Variants in GALNT14 observed in about 807,000 individuals in gnomAD.
GALNT14 encodes the protein UDP-GalNAc:polypeptide N-acetylgalactosaminyltransferase 14.
In GALNT14, 60 loss-of-function variants were observed where a neutral mutation model predicts 77.5. The ratio of observed to expected loss-of-function variants is 0.77; its 90% CI spans 0.63 to 0.96. The LOEUF (loss-of-function observed/expected upper bound fraction) is 0.96, where lower values mean the gene tolerates loss of function less well. Among genes scored for constraint, GALNT14 ranks in the 40% least tolerant of loss-of-function variants. The pLI is 0.00. For missense variants in GALNT14, 710 were observed against 731.0 expected (o/e 0.97, Z 0.33); for synonymous variants, 280 against 281.7 (o/e 0.99, Z 0.06).
In GALNT14 at chr2:30,915,824, T is replaced by A. The variant is rs558405383; in HGVS notation, c.1381-3482A>T. Among the ~76,000 whole-genome samples the A allele has an allele frequency of 3.3e-5, 5 of 152,274 alleles. No individual in the cohort carries two copies. In the South Asian group the frequency reaches 1.0e-3, roughly 32 times the overall value. ...TTTCAGCCCTGACTGAGTGGGTAAG[T>A]TAAATGTTAAAGGCTGAAAGGGCCA... On this transcript the variant is annotated intron_variant, in intron 13 of 14. Transcript: ENST00000349752.
At chr2:30,983,565 C>T (rs1340183109) in intron 2 of GALNT14, among the ~76,000 whole-genome samples, 1 of 152,172 alleles carries the variant, frequency 6.6e-6, no homozygotes, top group African/African-American at 2.4e-5. Context: ...TGGTACCTTT[C>T]GAAGCCACAC....
At chr2:30,963,621 C>T (rs1667823662) in intron 3 of GALNT14, among the ~76,000 whole-genome samples, 1 of 152,164 alleles carries the variant, frequency 6.6e-6, no homozygotes, top group East Asian at 1.9e-4. Flanking sequence ...AGACATTCCC[C>T]AGAGGAACGT....
intron 1 of GALNT14, among the ~76,000 whole-genome samples, chr2:31,052,958 G>C (rs1289911041): frequency 1.3e-5 from 2 of 152,174 alleles, no homozygotes; most frequent in Admixed American, 6.5e-5. Context: ...TACAGCATCA[G>C]TCCTTGCTTG....
intron 1 of GALNT14, among the ~76,000 whole-genome samples, chr2:31,028,657 G>A (rs2148475266): frequency 6.6e-6 from 1 of 152,350 alleles, no homozygotes; most frequent in Middle Eastern, 3.4e-3. Context: ...AACACCAGGG[G>A]CTATTTATGA....
intron 11 of GALNT14, among the ~76,000 whole-genome samples, chr2:30,927,089 A>G (rs1665432779): frequency 6.6e-6 from 1 of 152,148 alleles, no homozygotes; most frequent in Admixed American, 6.5e-5. Flanking sequence ...GGGATCAGGG[A>G]GAGAATGGAG....
At chr2:31,069,156 T>C (rs1224686531) in intron 1 of GALNT14, among the ~76,000 whole-genome samples, 4 of 152,200 alleles carry the variant, frequency 2.6e-5, no homozygotes, top group Non-Finnish European at 5.9e-5. Flanking sequence ...GGTATGTAGA[T>C]TATATCTCAA....
intron 1 of GALNT14, among the ~76,000 whole-genome samples, chr2:31,020,314 G>C (rs1308483076): frequency 6.6e-6 from 1 of 152,212 alleles, no homozygotes; most frequent in African/African-American, 2.4e-5. Context: ...GATTTTGCTA[G>C]AACTTTTCCA....
chr2:30,955,865 C>T (rs777999934), intron 5 of GALNT14, 47 bp downstream of exon 5: 2 of 1,611,822 alleles, frequency 1.2e-6, no homozygotes, highest in African/African-American at 1.3e-5. Context: ...CACCTTCGAC[C>T]CCCCGACACT....
At chr2:30,963,917 G>T (rs1301481751) in intron 3 of GALNT14, among the ~76,000 whole-genome samples, 1 of 152,188 alleles carries the variant, frequency 6.6e-6, no homozygotes, top group Non-Finnish European at 1.5e-5. Flanking sequence ...TCATTTCCTT[G>T]GTTAGGATAC....
intron 1 of GALNT14, among the ~76,000 whole-genome samples, chr2:31,040,881 A>T (rs1396207670): frequency 6.6e-6 from 1 of 152,232 alleles, no homozygotes; most frequent in Non-Finnish European, 1.5e-5. Flanking sequence ...TAAATAAATG[A>T]ATGAAAGAAT....
At chr2:30,989,654 TAA>T (rs1401414207) in intron 2 of GALNT14, among the ~76,000 whole-genome samples, 7 of 116,108 alleles carry the variant, frequency 6.0e-5, no homozygotes, top group African/African-American at 1.9e-4. Context: ...TAGTATATAT[TAA>T]AATATATATA....
In GALNT14 at chr2:31,090,144, C is replaced by G. The variant is rs1573333161; in HGVS notation, c.129+47814G>C. Among the ~76,000 whole-genome samples the G allele has an allele frequency of 2.6e-5, 4 of 152,306 alleles. No individual in the cohort carries two copies. In the East Asian group the frequency reaches 7.7e-4, roughly 29 times the overall value. On this transcript the variant is annotated intron_variant, in intron 1 of 14. Transcript: ENST00000349752. ...CAGACACCAAAAGTATCAGGCCAAC[C>G]CACCCCTCCTCCACTGATGGAGCAA...
intron 13 of GALNT14, among the ~76,000 whole-genome samples, chr2:30,913,708 T>A (rs574533211): frequency 1.3e-5 from 2 of 152,272 alleles, no homozygotes; most frequent in Non-Finnish European, 2.9e-5. Context: ...GGCTCCTGCA[T>A]TAGGATTCTT....
chr2:30,955,785 T>C (rs755439143), intron 5 of GALNT14, 46 bp from the exon 6 acceptor site: 5 of 1,611,704 alleles, frequency 3.1e-6, no homozygotes, highest in Non-Finnish European at 4.2e-6. Context: ...TGTCACTCCA[T>C]TGTCCAGCGA....
At chr2:31,117,462 T>C (rs903507035) in intron 1 of GALNT14, among the ~76,000 whole-genome samples, 1 of 152,156 alleles carries the variant, frequency 6.6e-6, no homozygotes, top group Admixed American at 6.5e-5. Context: ...AAGTTAAAAT[T>C]AATGACTACA....
chr2:30,933,277 A>C (rs1484596228), intron 9 of GALNT14, among the ~76,000 whole-genome samples: 1 of 152,186 alleles, frequency 6.6e-6, no homozygotes, highest in Non-Finnish European at 1.5e-5. Flanking sequence ...TCACTGGTAG[A>C]AAAGGCAGCT....
At chr2:30,989,595 TTAGTAGATATATAAAA>T (rs1669547546) in intron 2 of GALNT14, among the ~76,000 whole-genome samples, 2 of 112,876 alleles carry the variant, frequency 1.8e-5, no homozygotes, top group East Asian at 2.8e-4. Context: ...AATATATATA[TTAGTAGATATATAAAA>T]ATATATATTA....
At chr2:30,936,532 T>TA (rs1461437893) in intron 9 of GALNT14, among the ~76,000 whole-genome samples, 3 of 152,192 alleles carry the variant, frequency 2.0e-5, no homozygotes, top group Non-Finnish European at 1.5e-5. Context: ...TTGGCCAAGT[T>TA]TAAACCTCTG....
At chr2:31,083,130 G>T (rs542732503) in intron 1 of GALNT14, among the ~76,000 whole-genome samples, 1 of 152,310 alleles carries the variant, frequency 6.6e-6, no homozygotes, top group African/African-American at 2.4e-5. Context: ...GGCTTCCCAG[G>T]ATATGGGGCA....
Sources: allele counts gnomAD v4.1 joint callset (sites outside exome capture counted in the v4.1 genomes callset), GRCh38; gene constraint gnomAD v4.1.1; transcripts MANE v1.5; gene names NCBI Gene and HGNC (gene_info 2026-07-23, HGNC 2026-07-21).